CACNA1A: variants seen among roughly 807,000 people sequenced by gnomAD.
The protein encoded by CACNA1A is voltage-dependent P/Q-type calcium channel subunit alpha-1A.
In CACNA1A, 57 loss-of-function variants were observed where a neutral mutation model predicts 262.4. The observed-to-expected ratio is 0.22, with a 90% confidence interval of 0.18 to 0.27. The LOEUF (loss-of-function observed/expected upper bound fraction) is 0.27, where lower values mean the gene tolerates loss of function less well. CACNA1A is among the 10% of genes least tolerant of loss of function. CACNA1A has a pLI of 1.00. For missense variants in CACNA1A, 2,526 were observed against 3,562.8 expected (o/e 0.71, Z 7.41); for synonymous variants, 1,431 against 1,419.3 (o/e 1.01, Z -0.18).
chr19:13,259,799 G>T, intron 26 of CACNA1A, 98 bp from the exon 27 acceptor site: 1 of 1,370,896 alleles, frequency 7.3e-7, no homozygotes, highest in Non-Finnish European at 1.0e-6. Flanking sequence ...AGGAAGAGTG[G>T]TCCACCAGCC....
intron 30 of CACNA1A, among the ~76,000 whole-genome samples, chr19:13,247,416 G>A (rs577014400): frequency 7.2e-5 from 11 of 152,278 alleles, no homozygotes; most frequent in South Asian, 4.1e-4. Context: ...TCAGGGGGCC[G>A]GGCGCGGTGG....
chr19:13,437,295 C>T (rs2060628441), intron 3 of CACNA1A, among the ~76,000 whole-genome samples: 1 of 152,182 alleles, frequency 6.6e-6, no homozygotes, highest in African/African-American at 2.4e-5. Flanking sequence ...GGATCTAAGA[C>T]CCAGCAGATG....
intron 3 of CACNA1A, among the ~76,000 whole-genome samples, chr19:13,420,075 T>C (rs1248173789): frequency 6.6e-6 from 1 of 151,906 alleles, no homozygotes; most frequent in Non-Finnish European, 1.5e-5. Context: ...AGCGGGACTC[T>C]ATCTCAACAT....
chr19:13,244,116 T>G (rs1271454011), intron 31 of CACNA1A: 1 of 152,274 alleles, frequency 6.6e-6, no homozygotes, highest in African/African-American at 2.4e-5. Flanking sequence ...CAGCTCCCAC[T>G]TGGTGGCTTC....
chr19:13,317,185 A>T lies in CACNA1A; in HGVS notation c.1482T>A (p.Ser494Arg), dbSNP rs1232888616. The change falls in exon 11 of 47, where the codon AGT (serine) becomes AGA (arginine). Residue 494 changes from serine (S) to arginine (R), a missense_variant. Physicochemically the swap from Ser to Arg is moderately radical, Grantham distance 110. Transcript: ENST00000360228. ...KTQAFYWTVLSLVALNTLCVA... is the reference protein window; with the variant it reads ...KTQAFYWTVLRLVALNTLCVA... Reference sequence around the variant, plus strand: ...CACACAGCGTGTTGAGAGCTACCAAACTGAGTACAGTCCAGTAGAAGGCCT... The same window carrying T: ...CACACAGCGTGTTGAGAGCTACCAATCTGAGTACAGTCCAGTAGAAGGCCT... The T allele has an allele frequency of 6.2e-7, 1 of 1,613,550 alleles. No homozygotes were observed. Among genetic ancestry groups the T allele is most frequent in the African/African-American group, 1.3e-5 (1 of 74,926 alleles).
chr19:13,336,557 G>A (rs1234827701), intron 6 of CACNA1A, among the ~76,000 whole-genome samples: 1 of 149,336 alleles, frequency 6.7e-6, no homozygotes, highest in Non-Finnish European at 1.5e-5. Flanking sequence ...AGAGGAGGTT[G>A]GGGGGTGGAG....
Position 13,266,826 on chromosome 19 carries a change from C to T in CACNA1A, c.3990-3993G>A, listed in dbSNP as rs567121497. Among the ~76,000 whole-genome samples, 7 of 152,298 alleles carry T rather than the reference C, an allele frequency of 4.6e-5. No individual in the cohort carries two copies. In the South Asian group the frequency reaches 1.5e-3, roughly 32 times the overall value. On this transcript the variant is annotated intron_variant, in intron 24 of 46. Coordinates refer to ENST00000360228, the MANE Select transcript of CACNA1A (RefSeq NM_001127222.2). ...CTGACCTCAAGTGATCTACCCGCCT[C>T]GGCCTCCCAAAATGCTGGGATTAGA...
At chr19:13,325,100 C>T (rs1413007586) in intron 10 of CACNA1A, among the ~76,000 whole-genome samples, 1 of 147,216 alleles carries the variant, frequency 6.8e-6, no homozygotes, top group African/African-American at 2.5e-5. Context: ...CCTTCCTCCT[C>T]TTCTTCTTCC....
rs1023756261 is a variant in CACNA1A, at chr19:13,388,348, C to A, written c.540-16569G>T. Among the ~76,000 whole-genome samples, 5 of 147,426 alleles carry A rather than the reference C, an allele frequency of 3.4e-5. No homozygotes were observed. The Admixed American group carries it at 3.5e-4, about 10-fold the overall frequency. On this transcript the variant is annotated intron_variant, in intron 3 of 46. Coordinates refer to ENST00000360228, the MANE Select transcript of CACNA1A (RefSeq NM_001127222.2). ...TCAGCTCAATGCAACCTCTGCCTCC[C>A]GGGTTCAAGTGATTTTCCTGCCTCA...
At chr19:13,336,614 A>G (rs558242311) in intron 6 of CACNA1A, among the ~76,000 whole-genome samples, 15 of 139,312 alleles carry the variant, frequency 1.1e-4, no homozygotes, top group Middle Eastern at 3.8e-3. Flanking sequence ...AGAGAGAGAG[A>G]GAGAGAGAGA....
chr19:13,402,851 TATATATACACACACAC>T (rs2059926746), intron 3 of CACNA1A, among the ~76,000 whole-genome samples: 32 of 79,876 alleles, frequency 4.0e-4, no homozygotes, highest in African/African-American at 1.7e-3. Context: ...TATACACATA[TATATATACACACACAC>T]ACACACATAT....
At chr19:13,275,625 A>G in intron 24 of CACNA1A, 1 of 564,114 alleles carries the variant, frequency 1.8e-6, no homozygotes, top group Non-Finnish European at 3.2e-6. Flanking sequence ...CTGTGTGAGG[A>G]GGTAGAAGGT....
rs776371983 is a variant in CACNA1A, at chr19:13,224,771, C to T, written c.5627G>A (p.Arg1876Gln). ...KKCPARVAYK[R>Q]LLRMDLPVAD... is the part of the protein sequence containing the mutation. ...GACGGGCAGGTCCATCCGCAGAAGC[C>T]GCTACAGAAAACCCAAGGCAAGCGC... The change falls in exon 38 of 47, where the codon CGG becomes CAG. Residue 1876 changes from arginine to glutamine, a missense_variant and splice_region_variant. Coordinates refer to ENST00000360228, the MANE Select transcript of CACNA1A (RefSeq NM_001127222.2). The T allele has an allele frequency of 5.0e-6, 8 of 1,604,340 alleles. No individual in the cohort carries two copies. Among genetic ancestry groups the T allele is most frequent in the Admixed American group, 1.7e-5 (1 of 58,288 alleles).
At position 13,506,290 on chromosome 19, in the gene CACNA1A, G is replaced by T. The variant is rs1013335222; in HGVS notation, c.-66C>A. The T allele has an allele frequency of 1.5e-6, 2 of 1,345,184 alleles. No homozygotes were observed. Among genetic ancestry groups the T allele is most frequent in the Admixed American group, 3.6e-5 (1 of 27,458 alleles). The allele number at this position is 1,345,184 out of a possible 1,614,324, so 83.3% of individuals were successfully genotyped here. A position where few individuals can be genotyped will look rare whatever the true frequency, so the allele number is the denominator to read the frequency against. ...CGATGCGGAAGACGCCGCCGCCGCC[G>T]CCGCCGCCGCTGATGCTGAGGCTGC... On this transcript the variant is annotated 5_prime_UTR_variant, in exon 1 of 47. Coordinates refer to ENST00000360228, the MANE Select transcript of CACNA1A (RefSeq NM_001127222.2).
chr19:13,245,358 C>T lies in CACNA1A; in HGVS notation c.4867-93G>A, dbSNP rs866493141. The T allele has an allele frequency of 3.6e-5, 34 of 944,144 alleles. No individual in the cohort carries two copies. In the African/African-American group the frequency reaches 3.9e-4, roughly 11 times the overall value. The allele number at this position is 944,144 out of a possible 1,614,324, so 58.5% of individuals were successfully genotyped here. On this transcript the variant is annotated intron_variant, in intron 30 of 46. Coordinates refer to ENST00000360228, the MANE Select transcript of CACNA1A (RefSeq NM_001127222.2). ...GGGTGCATGTTAGAGGCACAGTTGC[C>T]CATCAGCGGAGTGCCCGGGACAGTT...
chr19:13,376,625 A>G (rs1407880262), intron 3 of CACNA1A, among the ~76,000 whole-genome samples: 1 of 147,944 alleles, frequency 6.8e-6, no homozygotes, highest in Non-Finnish European at 1.5e-5. Context: ...TATATAACAC[A>G]CTACACATAT....
At position 13,241,572 on chromosome 19, in the gene CACNA1A, A is replaced by G; in HGVS notation, c.4950+3610T>C. On this transcript the variant is annotated intron_variant, in intron 31 of 46. Coordinates refer to ENST00000360228, the MANE Select transcript of CACNA1A (RefSeq NM_001127222.2). This position sits in a 1 kb window ranked among gnomAD's most constrained non-coding sequence, Gnocchi z 4.0. ...TGAGGGGGAGCGGGCGGGCGGGGGC[A>G]GTTGGGGAGGCGTGTTCAGCATTTT... The G allele has an allele frequency of 2.0e-6, 1 of 511,276 alleles. No homozygotes were observed. The highest frequency in any genetic ancestry group is 1.5e-5 in the South Asian group (1 of 64,752). 31.7% of individuals were successfully genotyped at this position (511,276 alleles called of 1,614,324 possible). A position where few individuals can be genotyped will look rare whatever the true frequency, so the allele number is the denominator to read the frequency against.
At chr19:13,230,236 G>A (rs1330666067) in intron 35 of CACNA1A, 27 bp from the exon 36 acceptor site, 1 of 1,613,384 alleles carries the variant, frequency 6.2e-7, no homozygotes, top group East Asian at 2.2e-5. Context: ...GACCAAGAGA[G>A]AATGGGGGCA....
At chr19:13,483,554 A>C (rs1237621123) in intron 1 of CACNA1A, among the ~76,000 whole-genome samples, 3 of 152,176 alleles carry the variant, frequency 2.0e-5, no homozygotes, top group African/African-American at 7.2e-5. Flanking sequence ...AAAAGCAAGA[A>C]AGCATTTGCT....
Sources: gnomAD v4.1 joint callset for allele counts (sites outside exome capture counted in the v4.1 genomes callset) on GRCh38, gnomAD v4.1.1 for gene constraint, Gnocchi (gnomAD v3.1) non-coding constraint, MANE v1.5 for transcripts, NCBI Gene and HGNC (gene_info 2026-07-23, HGNC 2026-07-21) for gene names.